The following NEGR1 variants were observed in gnomAD, a reference collection of about 807,000 sequenced individuals.
The protein encoded by NEGR1 is neuronal growth regulator 1, also known as IgLON family member 4.
NEGR1 carries 10 observed loss-of-function variants against 40.9 expected under a neutral mutation model. That is an observed-to-expected ratio of 0.24 (90% confidence interval 0.15 to 0.42). The LOEUF is 0.42. NEGR1 is among the 10% of genes least tolerant of loss of function. The pLI, the probability that NEGR1 is intolerant of heterozygous loss-of-function variation, is 1.00. For synonymous variants in NEGR1, 185 were observed against 166.8 expected, an observed-to-expected ratio of 1.11 and a Z score of -0.84; for missense variants, 352 against 438.9, an observed-to-expected ratio of 0.80 and a Z score of 1.77.
chr1:71,650,575 G>T (rs1383474692), intron 4 of NEGR1, among the ~76,000 whole-genome samples: 3 of 152,094 alleles, frequency 2.0e-5, no homozygotes, highest in Non-Finnish European at 2.9e-5. Context: ...CTCAAGAAAA[G>T]GCTGTGCAAG....
chr1:72,267,387 G>GA (rs1655682968), intron 1 of NEGR1, among the ~76,000 whole-genome samples: 3 of 150,890 alleles, frequency 2.0e-5, no homozygotes, highest in South Asian at 2.1e-4. Flanking sequence ...ATTTTAATGT[G>GA]AAAAAAGAAT....
rs916603297 is a variant in NEGR1 at position 71,477,888 on chromosome 1, T to C, written c.941-70318A>G. ...TAGTCAGACAACAATGCTTCACTCT[T>C]GGATTTTTAAAAAAAAAAATACATA... On this transcript the variant is annotated intron_variant, in intron 6 of 6. Transcript: ENST00000357731. 2.1e-5 allele frequency among the ~76,000 whole-genome samples: 3 copies of C among 141,098 alleles called. No individual in the cohort carries two copies. In the East Asian group the frequency reaches 7.7e-4, roughly 36 times the overall value. 92.6% of individuals were successfully genotyped at this position (141,098 alleles called of 152,430 possible).
chr1:71,492,466 C>A (rs1235934345), intron 6 of NEGR1, among the ~76,000 whole-genome samples: 1 of 118,224 alleles, frequency 8.5e-6, no homozygotes, highest in Admixed American at 1.0e-4. Flanking sequence ...GATCTTGAAG[C>A]CTGTATCTTC....
At chr1:71,749,988 C>CTTTTTTTT (rs768011020) in intron 3 of NEGR1, among the ~76,000 whole-genome samples, 1 of 136,634 alleles carries the variant, frequency 7.3e-6, no homozygotes, top group Non-Finnish European at 1.6e-5. Flanking sequence ...TTGCTCCTTT[C>CTTTTTTTT]TTTTTTTTTT....
rs1056498141 is a variant in NEGR1, at chr1:71,908,439, G to C, written c.409+26640C>G. Among the ~76,000 whole-genome samples the C allele has an allele frequency of 6.6e-5, 10 of 152,200 alleles. No individual in the cohort carries two copies. The East Asian group carries it at 1.9e-3, about 30-fold the overall frequency. On this transcript the variant is annotated intron_variant, in intron 2 of 6. Coordinates refer to ENST00000357731, the MANE Select transcript of NEGR1 (RefSeq NM_173808.3). ...TAAAGAACTCCAGACAAACAGAAGA[G>C]TAGGAAAGGCAGGGACCCAACATGA...
At chr1:72,220,098 T>G (rs1051293483) in intron 1 of NEGR1, among the ~76,000 whole-genome samples, 3 of 151,996 alleles carry the variant, frequency 2.0e-5, no homozygotes, top group Non-Finnish European at 4.4e-5. Flanking sequence ...ACTGATTGAT[T>G]TTACTAATAA....
intron 6 of NEGR1, among the ~76,000 whole-genome samples, chr1:71,580,380 C>T (rs559443339): frequency 6.6e-5 from 10 of 151,658 alleles, no homozygotes; most frequent in African/African-American, 1.5e-4. Flanking sequence ...GTGGGTGCAG[C>T]GCACCAGCAT....
At chr1:71,994,302 G>A (rs189156470) in intron 1 of NEGR1, among the ~76,000 whole-genome samples, 117 of 152,254 alleles carry the variant, frequency 7.7e-4, no homozygotes, top group Middle Eastern at 3.4e-3. Flanking sequence ...GCCGAGGCGG[G>A]TGGATCATGA....
At chr1:71,879,301 T>G (rs541671684) in intron 2 of NEGR1, among the ~76,000 whole-genome samples, 4 of 152,230 alleles carry the variant, frequency 2.6e-5, no homozygotes, top group African/African-American at 9.6e-5. Flanking sequence ...AAGATGCTAC[T>G]CCCCACCCCT....
At chr1:72,222,068 C>T (rs185609940) in intron 1 of NEGR1, among the ~76,000 whole-genome samples, 1 of 152,202 alleles carries the variant, frequency 6.6e-6, no homozygotes, top group East Asian at 1.9e-4. Context: ...TGAACCCAAC[C>T]TACAGGCTGG....
intron 1 of NEGR1, among the ~76,000 whole-genome samples, chr1:72,253,504 C>T (rs559573468): frequency 8.1e-4 from 123 of 152,208 alleles, no homozygotes; most frequent in African/African-American, 2.7e-3. Flanking sequence ...TATCTTGGAA[C>T]ATAGCCAATT....
intron 3 of NEGR1, among the ~76,000 whole-genome samples, chr1:71,727,129 G>T (rs1255186432): frequency 1.3e-5 from 2 of 151,894 alleles, no homozygotes; most frequent in Non-Finnish European, 2.9e-5. Flanking sequence ...GTGAGATGAG[G>T]CTAGATTTTA....
chr1:72,163,289 C>A (rs1423115330), intron 1 of NEGR1, among the ~76,000 whole-genome samples: 2 of 152,042 alleles, frequency 1.3e-5, no homozygotes, highest in African/African-American at 4.8e-5. Context: ...CAAATCCAAA[C>A]CTATACCTCC....
At chr1:71,756,407 C>CAAAAAAAAAAAAAAA (rs869043335) in intron 3 of NEGR1, among the ~76,000 whole-genome samples, 1 of 45,748 alleles carries the variant, frequency 2.2e-5, no homozygotes, top group African/African-American at 8.5e-5. Context: ...AAAACAAAAA[C>CAAAAAAAAAAAAAAA]AAACAAAAAA....
intron 4 of NEGR1, among the ~76,000 whole-genome samples, chr1:71,658,503 C>A (rs555842367): frequency 1.3e-5 from 2 of 152,106 alleles, no homozygotes; most frequent in South Asian, 4.2e-4. Context: ...TTGCTTAATA[C>A]GGGCCATGTG....
chr1:72,148,986 A>C (rs1014772044), intron 1 of NEGR1, among the ~76,000 whole-genome samples: 1 of 152,168 alleles, frequency 6.6e-6, no homozygotes, highest in Non-Finnish European at 1.5e-5. Flanking sequence ...AGTTTCAGTT[A>C]TCTTTTCAGC....
intron 4 of NEGR1, among the ~76,000 whole-genome samples, chr1:71,695,385 T>C (rs1435991581): frequency 1.3e-5 from 2 of 151,782 alleles, no homozygotes; most frequent in Non-Finnish European, 3.0e-5. Context: ...TTTCTTAATA[T>C]GAGACAAGTT....
intron 2 of NEGR1, among the ~76,000 whole-genome samples, chr1:71,786,533 G>A (rs531449063): frequency 1.5e-4 from 23 of 152,256 alleles, no homozygotes; most frequent in African/African-American, 5.5e-4. Flanking sequence ...CACAGCAAGG[G>A]TTAGTATTTG....
At chr1:71,799,479 A>C (rs1657474641) in intron 2 of NEGR1, among the ~76,000 whole-genome samples, 1 of 152,176 alleles carries the variant, frequency 6.6e-6, no homozygotes, top group African/African-American at 2.4e-5. Context: ...AGTCTTTGCT[A>C]GTGTGAACAG....
Sources: allele counts gnomAD v4.1 joint callset (sites outside exome capture counted in the v4.1 genomes callset), GRCh38; gene constraint gnomAD v4.1.1; transcripts MANE v1.5; gene names NCBI Gene and HGNC (gene_info 2026-07-23, HGNC 2026-07-21).